Variants in PCDH9 observed in about 807,000 individuals in gnomAD.
PCDH9 encodes the protein protocadherin-9.
In PCDH9, 24 loss-of-function variants were observed where a neutral mutation model predicts 70.6. That is an observed-to-expected ratio of 0.34 (90% CI 0.25 to 0.48). PCDH9 has a LOEUF of 0.48. Ranked by LOEUF, PCDH9 falls within the 20% of genes least tolerant of loss-of-function variation. The pLI is 0.99. For missense variants in PCDH9, 1,281 were observed against 1,503.6 expected, an observed-to-expected ratio of 0.85 and a Z score of 2.45; for synonymous variants, 562 against 558.5, an observed-to-expected ratio of 1.01 and a Z score of -0.09.
intron 4 of PCDH9, among the ~76,000 whole-genome samples, chr13:66,315,075 G>A (rs1026699354): frequency 1.3e-5 from 2 of 152,142 alleles, no homozygotes; most frequent in Non-Finnish European, 1.5e-5. Context: ...TGAAGACAAA[G>A]GGACTGAATA....
chr13:66,787,786 C>A (rs1157228376), intron 3 of PCDH9, among the ~76,000 whole-genome samples: 1 of 152,004 alleles, frequency 6.6e-6, no homozygotes, highest in Non-Finnish European at 1.5e-5. Context: ...AGTTGGCGAC[C>A]CAGTGCCATA....
intron 2 of PCDH9, among the ~76,000 whole-genome samples, chr13:67,197,737 A>C (rs960172281): frequency 1.3e-5 from 2 of 151,946 alleles, no homozygotes. Context: ...TTATATCGAT[A>C]ACCATTTATA....
intron 2 of PCDH9, chr13:66,915,062 T>C (rs1202069444): frequency 2.6e-5 from 4 of 151,646 alleles, no homozygotes; most frequent in East Asian, 1.9e-4. Flanking sequence ...TCATAGTAGT[T>C]TTCTATGATA....
At chr13:66,878,325 C>T (rs969630881) in intron 3 of PCDH9, among the ~76,000 whole-genome samples, 4 of 151,924 alleles carry the variant, frequency 2.6e-5, no homozygotes, top group Non-Finnish European at 5.9e-5. Context: ...CTCCCTGGTT[C>T]CAGCGATTCT....
At chr13:66,504,468 C>T (rs1017369477) in intron 4 of PCDH9, among the ~76,000 whole-genome samples, 1 of 152,110 alleles carries the variant, frequency 6.6e-6, no homozygotes, top group Non-Finnish European at 1.5e-5. Context: ...CAGCTGAACA[C>T]AGCTGCAAGA....
intron 2 of PCDH9, among the ~76,000 whole-genome samples, chr13:67,170,369 A>G (rs2025970): frequency 0.67 from 102,349 of 152,024 alleles, 35,621 homozygotes; most frequent in Non-Finnish European, 0.77. Flanking sequence ...ATTTCGCATA[A>G]AGTTTCAAAA....
rs566719802 is a variant in PCDH9, at chr13:66,526,993, G to A, written c.3340+104217C>T. On this transcript the variant is annotated intron_variant, in intron 4 of 4. Coordinates refer to ENST00000377865, the MANE Select transcript of PCDH9 (RefSeq NM_203487.3). ...AACTAAATGTTAGCAGGTAGGCCAC[G>A]AAGTGGCTGTGGGGTTAGAACAGTA... Among the ~76,000 whole-genome samples, 8 of 152,284 alleles carry A rather than the reference G, an allele frequency of 5.3e-5. No homozygotes were observed. In the East Asian group the frequency reaches 1.2e-3, roughly 22 times the overall value.
intron 4 of PCDH9, among the ~76,000 whole-genome samples, chr13:66,382,736 T>C (rs1424487202): frequency 6.6e-6 from 1 of 152,068 alleles, no homozygotes; most frequent in African/African-American, 2.4e-5. Flanking sequence ...CAAAATATTC[T>C]TAATTATTTT....
At chr13:66,389,992 G>A (rs773545207) in intron 4 of PCDH9, among the ~76,000 whole-genome samples, 3 of 152,084 alleles carry the variant, frequency 2.0e-5, no homozygotes, top group East Asian at 1.9e-4. Context: ...CATAGTCACC[G>A]ATCTTTTGCA....
intron 4 of PCDH9, among the ~76,000 whole-genome samples, chr13:66,308,730 T>C (rs1200488516): frequency 6.6e-6 from 1 of 151,908 alleles, no homozygotes; most frequent in Non-Finnish European, 1.5e-5. Flanking sequence ...AAAACAGCAA[T>C]GTCAAATTAT....
intron 2 of PCDH9, chr13:67,224,558 C>T (rs1306960591): frequency 6.5e-6 from 1 of 153,022 alleles, no homozygotes; most frequent in Admixed American, 6.5e-5. Context: ...AAAACTAATT[C>T]TGGATTTGGT....
intron 4 of PCDH9, among the ~76,000 whole-genome samples, chr13:66,614,169 CT>C (rs1332609785): frequency 3.9e-5 from 6 of 152,036 alleles, no homozygotes; most frequent in Admixed American, 1.3e-4. Flanking sequence ...GTAAAATGTG[CT>C]TTTTAGTAAA....
chr13:66,845,549 G>C (rs2081193285), intron 3 of PCDH9, among the ~76,000 whole-genome samples: 1 of 152,178 alleles, frequency 6.6e-6, no homozygotes, highest in Non-Finnish European at 1.5e-5. Context: ...CTGCGACTGG[G>C]AAGTCAGGGA....
At chr13:66,568,534 A>G (rs1037104064) in intron 4 of PCDH9, among the ~76,000 whole-genome samples, 8 of 151,652 alleles carry the variant, frequency 5.3e-5, no homozygotes, top group African/African-American at 1.7e-4. Flanking sequence ...AAAGAAAGAA[A>G]GAAAGTAGCT....
chr13:66,555,746 T>C (rs960222673), intron 4 of PCDH9, among the ~76,000 whole-genome samples: 3 of 151,830 alleles, frequency 2.0e-5, no homozygotes, highest in African/African-American at 7.2e-5. Context: ...ATTATGAACC[T>C]TTGAATGCAA....
chr13:66,748,349 G>A (rs1265609035), intron 3 of PCDH9, among the ~76,000 whole-genome samples: 2 of 152,114 alleles, frequency 1.3e-5, no homozygotes, highest in East Asian at 3.8e-4. Context: ...TTTGTCAAAA[G>A]TCTGATTCAT....
At chr13:67,203,564 C>T (rs1052793512) in intron 2 of PCDH9, 1 of 151,976 alleles carries the variant, frequency 6.6e-6, no homozygotes, top group Non-Finnish European at 1.5e-5. Context: ...AAAGGTGATA[C>T]CAAATAAGTC....
intron 2 of PCDH9, among the ~76,000 whole-genome samples, chr13:67,125,705 A>G (rs1478603644): frequency 1.3e-5 from 2 of 152,156 alleles, no homozygotes; most frequent in Non-Finnish European, 2.9e-5. Flanking sequence ...CACCTCTCAC[A>G]TATTCCAATG....
rs757729104 is a variant in PCDH9 at position 67,227,612 on chromosome 13, T to C, written c.829A>G (p.Thr277Ala). ...VGTSVIQLHA[T>A]DADIGSNAEI... ...GCATTACTGCCTATATCTGCATCAG[T>C]GGCATGGAGCTGAATTACAGAGGTA... The change falls in exon 2 of 5, where the codon ACT becomes GCT. Residue 277 changes from threonine to alanine, a missense_variant. By Grantham distance (58) the Thr-to-Ala change is moderately conservative. Transcript: ENST00000377865. This position sits in a 1 kb window ranked among gnomAD's most constrained non-coding sequence, Gnocchi z 4.6. 6.2e-6 allele frequency: 10 copies of C among 1,614,000 alleles called. No individual in the cohort carries two copies. The highest frequency in any genetic ancestry group is 8.5e-6 in the Non-Finnish European group (10 of 1,179,870).
Sources: gnomAD v4.1 joint callset for allele counts (sites outside exome capture counted in the v4.1 genomes callset) on GRCh38, gnomAD v4.1.1 for gene constraint, Gnocchi (gnomAD v3.1) non-coding constraint, MANE v1.5 for transcripts, NCBI Gene and HGNC (gene_info 2026-07-23, HGNC 2026-07-21) for gene names.